Variants in RAB38 observed in about 807,000 individuals in gnomAD.
RAB38 encodes RAB38, member RAS oncogene family.
In RAB38, 15 loss-of-function variants were observed where a neutral mutation model predicts 18.4. The observed-to-expected ratio is 0.82, with a 90% CI of 0.55 to 1.26. The LOEUF (loss-of-function observed/expected upper bound fraction) is 1.26, where lower values mean the gene tolerates loss of function less well. Ranked by LOEUF, RAB38 falls within the 50% of genes most tolerant of loss-of-function variation. The probability of loss-of-function intolerance (pLI) is 0.00; values close to 1 mark genes in which losing one functional copy is unlikely to be tolerated. For missense variants in RAB38, 294 were observed against 267.4 expected (o/e 1.10, Z -0.69); for synonymous variants, 101 against 104.4 (o/e 0.97, Z 0.20).
chr11:88,173,583 A>C (rs1943336980), intron 1 of RAB38: 1 of 985,440 alleles, frequency 1.0e-6, no homozygotes, highest in African/African-American at 1.7e-5. Context: ...TGGATTGTAC[A>C]CAGAAGTCCA....
the RAB38 span, among the ~76,000 whole-genome samples, chr11:87,976,804 T>C: frequency 6.0e-5 from 5 of 83,088 alleles, no homozygotes; most frequent in African/African-American, 2.6e-4. Context: ...ATACTTATAA[T>C]ATATTATATA....
At chr11:88,152,543 C>G (rs1348978562) in intron 1 of RAB38, among the ~76,000 whole-genome samples, 1 of 152,096 alleles carries the variant, frequency 6.6e-6, no homozygotes, top group Non-Finnish European at 1.5e-5. Flanking sequence ...GTCACTGAGC[C>G]AGGCCACTTG....
At chr11:88,076,454 G>A in the RAB38 span, among the ~76,000 whole-genome samples, 4 of 152,148 alleles carry the variant, frequency 2.6e-5, no homozygotes, top group Non-Finnish European at 5.9e-5. Flanking sequence ...TAAATAAAGG[G>A]CATCCAAATT....
intron 2 of RAB38, among the ~76,000 whole-genome samples, chr11:88,121,045 G>C (rs1042262512): frequency 4.6e-5 from 7 of 152,112 alleles, no homozygotes; most frequent in Admixed American, 2.0e-4. Context: ...TATAGAATGC[G>C]CCTCACCTCT....
chr11:87,842,248 G>C, the RAB38 span, among the ~76,000 whole-genome samples: 1 of 152,144 alleles, frequency 6.6e-6, no homozygotes, highest in Non-Finnish European at 1.5e-5. Flanking sequence ...CACTAGTGAA[G>C]GTCAAGAATT....
At position 88,122,114 on chromosome 11, in the gene RAB38, C is replaced by T. The variant is rs138919066; in HGVS notation, c.484-7974G>A. ...GAAAATAATCTGAGTTCAACATCCT[C>T]GCCTTTTTTGCACCAGACCCCATAA... On this transcript the variant is annotated intron_variant, in intron 2 of 2. Coordinates refer to ENST00000243662, the MANE Select transcript of RAB38 (RefSeq NM_022337.3). Among the ~76,000 whole-genome samples the T allele has an allele frequency of 3.5e-4, 54 of 152,240 alleles. No individual in the cohort carries two copies. In the East Asian group the frequency reaches 8.7e-3, roughly 24 times the overall value.
At chr11:87,883,098 T>C in the RAB38 span, among the ~76,000 whole-genome samples, 11 of 151,924 alleles carry the variant, frequency 7.2e-5, no homozygotes, top group Non-Finnish European at 1.2e-4. Context: ...ATACTCTTTG[T>C]AGATTTTTCT....
the RAB38 span, among the ~76,000 whole-genome samples, chr11:88,104,595 T>C: frequency 6.6e-6 from 1 of 152,134 alleles, no homozygotes; most frequent in Non-Finnish European, 1.5e-5. Context: ...TTAATGATTA[T>C]CTTGTGGTGT....
At chr11:87,942,859 G>A in the RAB38 span, among the ~76,000 whole-genome samples, 1 of 152,154 alleles carries the variant, frequency 6.6e-6, no homozygotes, top group Non-Finnish European at 1.5e-5. Context: ...GCTTTTCATA[G>A]AAAAGAATTT....
At chr11:87,948,659 G>C in the RAB38 span, among the ~76,000 whole-genome samples, 1 of 149,300 alleles carries the variant, frequency 6.7e-6, no homozygotes, top group African/African-American at 2.5e-5. Flanking sequence ...ATAATCATGT[G>C]GTTTTTGTCT....
the RAB38 span, among the ~76,000 whole-genome samples, chr11:87,951,564 GA>G: frequency 6.6e-6 from 1 of 152,054 alleles, no homozygotes; most frequent in African/African-American, 2.4e-5. Flanking sequence ...GTCATGTACA[GA>G]TGGGGTTTTG....
At chr11:87,963,257 G>C in the RAB38 span, among the ~76,000 whole-genome samples, 3 of 152,096 alleles carry the variant, frequency 2.0e-5, no homozygotes, top group South Asian at 6.2e-4. Context: ...CATATCCACA[G>C]AGCCCTCTGT....
chr11:87,848,597 A>G, the RAB38 span, among the ~76,000 whole-genome samples: 2 of 152,152 alleles, frequency 1.3e-5, no homozygotes. Flanking sequence ...CAGCCAGTAA[A>G]AAGACCCAGT....
At chr11:88,068,028 C>T in the RAB38 span, among the ~76,000 whole-genome samples, 13 of 146,508 alleles carry the variant, frequency 8.9e-5, no homozygotes, top group Admixed American at 2.0e-4. Flanking sequence ...ATATATATAA[C>T]AAAAAGAACA....
chr11:88,003,876 T>A, the RAB38 span, among the ~76,000 whole-genome samples: 721 of 12,040 alleles, frequency 0.06, 266 homozygotes, highest in East Asian at 0.17. Context: ...AATTATATAT[T>A]TATATATATA....
At chr11:87,910,633 CTTTTTTTTTTTTTTT>C in the RAB38 span, among the ~76,000 whole-genome samples, 98,710 of 132,626 alleles carry the variant, frequency 0.74, 36,560 homozygotes, top group East Asian at 0.94. Flanking sequence ...AGTTCATTTT[CTTTTTTTTTTTTTTT>C]TTTTTTTTTT....
the RAB38 span, among the ~76,000 whole-genome samples, chr11:88,062,938 G>A: frequency 2.0e-5 from 3 of 152,218 alleles, no homozygotes; most frequent in Non-Finnish European, 4.4e-5. Context: ...GAACCTGGAT[G>A]ATGGGATTAG....
chr11:87,855,912 A>G, the RAB38 span, among the ~76,000 whole-genome samples: 8 of 152,136 alleles, frequency 5.3e-5, no homozygotes, highest in Admixed American at 2.0e-4. Context: ...TATGCTCCCT[A>G]TACGGCAACA....
chr11:88,143,245 G>A (rs1277653035), intron 2 of RAB38, among the ~76,000 whole-genome samples: 1 of 152,176 alleles, frequency 6.6e-6, no homozygotes, highest in Non-Finnish European at 1.5e-5. Flanking sequence ...ATTATTTCAA[G>A]GATAAGCTAA....
Sources: allele counts gnomAD v4.1 joint callset (sites outside exome capture counted in the v4.1 genomes callset), GRCh38; gene constraint gnomAD v4.1.1; transcripts MANE v1.5; gene names NCBI Gene and HGNC (gene_info 2026-07-23, HGNC 2026-07-21).